The following CDC45 variants were observed in gnomAD, a reference collection of about 807,000 sequenced individuals.
CDC45 encodes cell division cycle 45.
Under a neutral mutation model 77.8 loss-of-function variants are expected in CDC45, and 54 were observed. The observed-to-expected ratio is 0.69, with a 90% CI of 0.56 to 0.87. The LOEUF (loss-of-function observed/expected upper bound fraction) is 0.87, where lower values mean the gene tolerates loss of function less well. Among genes scored for constraint, CDC45 ranks in the 40% least tolerant of loss-of-function variants. The probability of loss-of-function intolerance (pLI) is 0.00; values close to 1 mark genes in which losing one functional copy is unlikely to be tolerated. For missense variants in CDC45, 649 were observed against 721.6 expected, an observed-to-expected ratio of 0.90 and a Z score of 1.15; for synonymous variants, 260 against 272.1, an observed-to-expected ratio of 0.96 and a Z score of 0.44.
intron 10 of CDC45, 24 bp from the exon 11 acceptor site, chr22:19,507,362 C>G: frequency 6.2e-7 from 1 of 1,611,078 alleles, no homozygotes; most frequent in Non-Finnish European, 8.5e-7. Flanking sequence ...TGGGTGCTTG[C>G]ATGCTCCTTG....
chr22:19,512,108 A>G (rs950013045), intron 13 of CDC45, among the ~76,000 whole-genome samples: 2 of 151,914 alleles, frequency 1.3e-5, no homozygotes, highest in African/African-American at 4.8e-5. Context: ...CTTACTCTTT[A>G]CTATAGTCTC....
At chr22:19,504,673 G>T (rs532401896) in intron 9 of CDC45, among the ~76,000 whole-genome samples, 3 of 152,288 alleles carry the variant, frequency 2.0e-5, no homozygotes, top group African/African-American at 7.2e-5. Flanking sequence ...GGGCAAGGGG[G>T]ATGTAATCAT....
chr22:19,508,923 T>G (rs1482018176), intron 13 of CDC45, among the ~76,000 whole-genome samples: 1 of 152,222 alleles, frequency 6.6e-6, no homozygotes, highest in Non-Finnish European at 1.5e-5. Flanking sequence ...TCTTTTTGAT[T>G]TTTAAAATTT....
chr22:19,516,605 G>A lies in CDC45; in HGVS notation c.1519G>A (p.Val507Met), dbSNP rs775086429. The change falls in exon 16 of 19, where the codon GTG (valine) becomes ATG (methionine). Residue 507 changes from valine (V) to methionine (M), a missense_variant. Coordinates refer to ENST00000263201, the MANE Select transcript of CDC45 (RefSeq NM_003504.5). Reference sequence around the variant, plus strand: ...CATGGAGCATGGCACAGTGACCGTGGTGGGCATCCCCCCAGAGACCGACAG... The same window carrying A: ...CATGGAGCATGGCACAGTGACCGTGATGGGCATCCCCCCAGAGACCGACAG... ...LSMEHGTVTV[V>M]GIPPETDSSD... 2.4e-5 allele frequency: 39 copies of A among 1,614,110 alleles called. No homozygotes were observed. Among genetic ancestry groups the A allele is most frequent in the Non-Finnish European group, 3.1e-5 (37 of 1,179,994 alleles).
At chr22:19,517,763 A>AC (rs970534073) in intron 17 of CDC45, among the ~76,000 whole-genome samples, 1 of 152,168 alleles carries the variant, frequency 6.6e-6, no homozygotes, top group African/African-American at 2.4e-5. Flanking sequence ...TTCCAAGGAC[A>AC]CCAGACAGAT....
At chr22:19,511,082 CT>C (rs1229074235) in intron 13 of CDC45, among the ~76,000 whole-genome samples, 1 of 152,182 alleles carries the variant, frequency 6.6e-6, no homozygotes, top group Admixed American at 6.5e-5. Flanking sequence ...AACTGCCAGA[CT>C]TTTCCACAGC....
chr22:19,489,003 CT>C (rs1476957701), intron 5 of CDC45, among the ~76,000 whole-genome samples: 1 of 152,092 alleles, frequency 6.6e-6, no homozygotes, highest in Non-Finnish European at 1.5e-5. Context: ...TGGCAAAACC[CT>C]GTCTCTACAA....
chr22:19,503,160 C>G (rs1932966117), intron 9 of CDC45, among the ~76,000 whole-genome samples: 1 of 152,014 alleles, frequency 6.6e-6, no homozygotes, highest in Non-Finnish European at 1.5e-5. Context: ...GAGTGAGACC[C>G]TGTTTTAAAA....
At position 19,481,570 on chromosome 22, in the gene CDC45, G is replaced by A. The variant is rs548953446; in HGVS notation, c.204+525G>A. 3.3e-5 allele frequency among the ~76,000 whole-genome samples: 5 copies of A among 151,818 alleles called. No individual in the cohort carries two copies. The South Asian group carries it at 8.3e-4, about 25-fold the overall frequency. On this transcript the variant is annotated intron_variant, in intron 3 of 18. Coordinates refer to ENST00000263201, the MANE Select transcript of CDC45 (RefSeq NM_003504.5). ...ATGTTTTTGTATTTTTAGTAGAGACGGAGTTTCACCATGTTAGTCAGGATG... is the reference window on the plus strand; with the variant it reads ...ATGTTTTTGTATTTTTAGTAGAGACAGAGTTTCACCATGTTAGTCAGGATG...
At chr22:19,497,005 A>G (rs1420133227) in intron 7 of CDC45, among the ~76,000 whole-genome samples, 1 of 152,018 alleles carries the variant, frequency 6.6e-6, no homozygotes, top group Admixed American at 6.6e-5. Context: ...GAGCCAGGCA[A>G]ATGATGGGGT....
At chr22:19,501,620 C>A (rs1932904778) in intron 9 of CDC45, among the ~76,000 whole-genome samples, 1 of 152,180 alleles carries the variant, frequency 6.6e-6, no homozygotes, top group South Asian at 2.1e-4. Context: ...TAGAAGCATT[C>A]ATACAATTTA....
At chr22:19,518,655 G>A (rs1276386523) in intron 17 of CDC45, among the ~76,000 whole-genome samples, 189 bp from the exon 18 acceptor site, 4 of 152,180 alleles carry the variant, frequency 2.6e-5, no homozygotes, top group Non-Finnish European at 5.9e-5. Flanking sequence ...CTCTCTAGCA[G>A]TGCAGACAGC....
At chr22:19,485,088 C>A (rs1176700393) in intron 5 of CDC45, among the ~76,000 whole-genome samples, 1 of 152,096 alleles carries the variant, frequency 6.6e-6, no homozygotes, top group African/African-American at 2.4e-5. Context: ...ATCTTCTAAT[C>A]TTTGGTTTGT....
intron 5 of CDC45, among the ~76,000 whole-genome samples, chr22:19,493,926 T>G (rs2090196647): frequency 6.6e-6 from 1 of 152,226 alleles, no homozygotes; most frequent in Non-Finnish European, 1.5e-5. Context: ...ATTAGAATAG[T>G]TCCTAACGCA....
chr22:19,490,661 G>C (rs910029614), intron 5 of CDC45, among the ~76,000 whole-genome samples: 1 of 151,516 alleles, frequency 6.6e-6, no homozygotes, highest in Admixed American at 6.6e-5. Context: ...CAGCCACTGC[G>C]TCCAGCCTGT....
At chr22:19,513,019 C>A (rs556329369) in intron 13 of CDC45, among the ~76,000 whole-genome samples, 1 of 152,092 alleles carries the variant, frequency 6.6e-6, no homozygotes, top group Non-Finnish European at 1.5e-5. Flanking sequence ...TTTTAACAAC[C>A]GTCACGGGAA....
intron 4 of CDC45, 114 bp from the exon 5 acceptor site, chr22:19,483,748 T>A: frequency 9.6e-7 from 1 of 1,038,364 alleles, no homozygotes; most frequent in South Asian, 1.5e-5. Context: ...GCTATTTGTA[T>A]GAACAGGAAA....
At chr22:19,498,053 A>C (rs2090275415) in intron 8 of CDC45, among the ~76,000 whole-genome samples, 1 of 152,144 alleles carries the variant, frequency 6.6e-6, no homozygotes, top group African/African-American at 2.4e-5. Context: ...GGGTGCCTGT[A>C]ATCTTAGCTA....
chr22:19,497,533 G>A, intron 8 of CDC45, 86 bp downstream of exon 8: 1 of 1,134,432 alleles, frequency 8.8e-7, no homozygotes. Flanking sequence ...CACAGGGAGG[G>A]TGTTTCCCTT....
Sources: allele counts gnomAD v4.1 joint callset (sites outside exome capture counted in the v4.1 genomes callset), GRCh38; gene constraint gnomAD v4.1.1; transcripts MANE v1.5; gene names NCBI Gene and HGNC (gene_info 2026-07-23, HGNC 2026-07-21).